Variants in GPNMB observed in about 807,000 individuals in gnomAD.
GPNMB encodes the protein transmembrane glycoprotein NMB.
Under a neutral mutation model 57.3 loss-of-function variants are expected in GPNMB, and 71 were observed. That is an observed-to-expected ratio of 1.24 (90% CI 1.02 to 1.51). The LOEUF is 1.51. GPNMB is among the 40% of genes most tolerant of loss of function. GPNMB has a pLI of 0.00. For missense variants in GPNMB, 677 were observed against 691.9 expected, an observed-to-expected ratio of 0.98 and a Z score of 0.24; for synonymous variants, 253 against 263.2, an observed-to-expected ratio of 0.96 and a Z score of 0.38.
rs1176370887 is a variant in GPNMB at position 23,260,650 on chromosome 7, G to A, written c.895G>A (p.Val299Met). ...TGLFVSTNHTVNHTYVLNGTF... is the reference protein window; with the variant it reads ...TGLFVSTNHTMNHTYVLNGTF... ...CCTGTTTGTTTCCACCAATCATACT[G>A]TGAATCACACGTATGTGCTCAATGG... is the stretch of plus-strand genomic sequence containing the variant. Residue 299 changes from valine (V) to methionine (M), a missense_variant, in exon 6 of 11, where the codon GTG (valine) becomes ATG (methionine). Val to Met is a conservative substitution (Grantham distance 21, BLOSUM62 1). Transcript: ENST00000258733. The A allele has an allele frequency of 3.1e-6, 5 of 1,613,376 alleles. No individual in the cohort carries two copies. Among genetic ancestry groups the A allele is most frequent in the African/African-American group, 1.3e-5 (1 of 74,992 alleles).
intron 9 of GPNMB, among the ~76,000 whole-genome samples, chr7:23,272,493 GAGAGAA>G (rs1562645254): frequency 6.6e-6 from 1 of 151,462 alleles, no homozygotes; most frequent in Non-Finnish European, 1.5e-5. Context: ...GAAAAAGAGA[GAGAGAA>G]AGAGAGAGAG....
intron 4 of GPNMB, 149 bp downstream of exon 4, chr7:23,257,214 G>T (rs923863573): frequency 1.8e-5 from 13 of 724,628 alleles, no homozygotes; most frequent in Non-Finnish European, 3.2e-5. Flanking sequence ...AACAGTGAGA[G>T]ATAAAAATGA....
At chr7:23,253,517 G>A in intron 2 of GPNMB, 58 bp downstream of exon 2, 6 of 1,446,946 alleles carry the variant, frequency 4.1e-6, no homozygotes, top group Non-Finnish European at 4.8e-6. Context: ...AAGTCTTGTA[G>A]ATGGTAAAGC....
chr7:23,254,324 G>A lies in GPNMB; in HGVS notation c.367+12G>A. ...GAACTGCAGAAATGGTAAGAACACA[G>A]TATTCTCCTAAACTACTGGAGACCC... On this transcript the variant is annotated intron_variant, in intron 3 of 10. Transcript: ENST00000258733. 3 of 1,609,096 alleles carry A rather than the reference G, an allele frequency of 1.9e-6. No homozygotes were observed. Among genetic ancestry groups the A allele is most frequent in the Non-Finnish European group, 2.6e-6 (3 of 1,176,106 alleles).
chr7:23,269,818 A>G (rs1783155249), intron 8 of GPNMB, 149 bp from the exon 9 acceptor site: 1 of 657,362 alleles, frequency 1.5e-6, no homozygotes, highest in East Asian at 2.6e-5. Flanking sequence ...TTATAAGACT[A>G]ACAATTCAGC....
At chr7:23,268,934 A>G (rs1229166270) in intron 8 of GPNMB, among the ~76,000 whole-genome samples, 1 of 152,182 alleles carries the variant, frequency 6.6e-6, no homozygotes, top group East Asian at 1.9e-4. Context: ...AGCGGTCAGG[A>G]CAGCAATGGC....
chr7:23,251,751 T>C (rs1782667519), intron 1 of GPNMB, among the ~76,000 whole-genome samples: 2 of 152,300 alleles, frequency 1.3e-5, no homozygotes, highest in South Asian at 4.1e-4. Flanking sequence ...AAAACCTTTC[T>C]CAGAAGTTCC....
At chr7:23,263,647 C>G (rs1036634933) in intron 6 of GPNMB, among the ~76,000 whole-genome samples, 5 of 151,276 alleles carry the variant, frequency 3.3e-5, no homozygotes, top group Non-Finnish European at 5.9e-5. Flanking sequence ...AAACTAGCAA[C>G]CCCTACAAGT....
At chr7:23,247,046 G>T in intron 1 of GPNMB, 119 bp downstream of exon 1, 1 of 773,124 alleles carries the variant, frequency 1.3e-6, no homozygotes, top group Non-Finnish European at 2.3e-6. Flanking sequence ...TTTCATCTCT[G>T]GCTCACTCAT....
intron 9 of GPNMB, among the ~76,000 whole-genome samples, chr7:23,272,313 G>A (rs1783226342): frequency 6.6e-6 from 1 of 152,158 alleles, no homozygotes; most frequent in Non-Finnish European, 1.5e-5. Flanking sequence ...TGGGACCTGA[G>A]TCATTTTCAA....
intron 9 of GPNMB, among the ~76,000 whole-genome samples, chr7:23,271,007 T>C (rs1210002879): frequency 3.3e-5 from 5 of 152,324 alleles, no homozygotes; most frequent in Admixed American, 2.0e-4. Context: ...GTCCCCAACC[T>C]TTCTGACATC....
chr7:23,249,768 T>C (rs761739807), intron 1 of GPNMB, among the ~76,000 whole-genome samples: 5 of 151,852 alleles, frequency 3.3e-5, no homozygotes, highest in South Asian at 2.1e-4. Flanking sequence ...GCTATAAATA[T>C]TCATGTGCAG....
At chr7:23,272,276 C>A (rs1008788845) in intron 9 of GPNMB, among the ~76,000 whole-genome samples, 1 of 152,330 alleles carries the variant, frequency 6.6e-6, no homozygotes, top group Middle Eastern at 3.4e-3. Flanking sequence ...TCCTTTAATT[C>A]TTCTTGTAGT....
chr7:23,266,660 A>T (rs765314180), intron 7 of GPNMB, 45 bp downstream of exon 7: 4 of 1,570,826 alleles, frequency 2.5e-6, no homozygotes, highest in Non-Finnish European at 3.5e-6. Context: ...GCTAGACTCC[A>T]CCTAGGGTCA....
chr7:23,263,876 A>G (rs984772895), intron 6 of GPNMB, among the ~76,000 whole-genome samples: 1 of 150,246 alleles, frequency 6.7e-6, no homozygotes, highest in Non-Finnish European at 1.5e-5. Context: ...GCCAAAAAAT[A>G]TGTTCTCTCT....
chr7:23,266,718 C>A, intron 7 of GPNMB, 103 bp downstream of exon 7: 2 of 946,454 alleles, frequency 2.1e-6, no homozygotes, highest in Non-Finnish European at 3.1e-6. Context: ...GTGGTAAGGG[C>A]ACCCCTCTGC....
intron 1 of GPNMB, among the ~76,000 whole-genome samples, chr7:23,248,732 C>A (rs533606175): frequency 8.2e-4 from 125 of 152,106 alleles, no homozygotes; most frequent in Middle Eastern, 6.8e-3. Flanking sequence ...CAAAACCCAC[C>A]CCCACAGGCT....
intron 3 of GPNMB, among the ~76,000 whole-genome samples, chr7:23,256,126 G>T (rs1329079590): frequency 6.6e-6 from 1 of 151,988 alleles, no homozygotes; most frequent in Admixed American, 6.6e-5. Flanking sequence ...GGCTGGTCTC[G>T]AACTCCTGAC....
chr7:23,269,946 C>A (rs909351318), intron 8 of GPNMB, 21 bp from the exon 9 acceptor site: 1 of 1,594,052 alleles, frequency 6.3e-7, no homozygotes, highest in South Asian at 1.1e-5. Context: ...TGTGCGCCCT[C>A]GCCCACCTCC....
Sources: allele counts gnomAD v4.1 joint callset (sites outside exome capture counted in the v4.1 genomes callset), GRCh38; gene constraint gnomAD v4.1.1; transcripts MANE v1.5; gene names NCBI Gene and HGNC (gene_info 2026-07-23, HGNC 2026-07-21).